RNF144A: variants seen among roughly 807,000 people sequenced by gnomAD.
RNF144A encodes the protein ring finger protein 144A.
RNF144A carries 11 observed loss-of-function variants against 38.7 expected under a neutral mutation model. That is an observed-to-expected ratio of 0.28 (90% confidence interval 0.18 to 0.47). RNF144A has a LOEUF of 0.47. RNF144A is among the 20% of genes least tolerant of loss of function. The pLI is 0.99. For synonymous variants in RNF144A, 149 were observed against 143.9 expected (o/e 1.04, Z -0.25); for missense variants, 316 against 377.2 (o/e 0.84, Z 1.34).
chr2:7,041,178 C>G lies in RNF144A; in HGVS notation c.*1418C>G. ...GATTTTAAAAATCTTGTTAAACATT[C>G]TATAAAGAAGTAAAACAAAATCCTT... On this transcript the variant is annotated 3_prime_UTR_variant, in exon 9 of 9. Transcript: ENST00000320892. 1.0e-6 allele frequency: 1 copy of G among 981,574 alleles called. No homozygotes were observed. The highest frequency in any genetic ancestry group is 1.2e-6 in the Non-Finnish European group (1 of 826,468). 60.8% of individuals were successfully genotyped at this position (981,574 alleles called of 1,614,324 possible).
At chr2:7,007,799 T>C (rs972720063) in intron 3 of RNF144A, among the ~76,000 whole-genome samples, 2 of 152,214 alleles carry the variant, frequency 1.3e-5, no homozygotes, top group African/African-American at 4.8e-5. Context: ...TTTGCTCCTC[T>C]GTGAATCCGG....
intron 2 of RNF144A, among the ~76,000 whole-genome samples, chr2:6,959,547 G>C (rs893133920): frequency 6.6e-6 from 1 of 152,158 alleles, no homozygotes; most frequent in Non-Finnish European, 1.5e-5. Context: ...CCGGGATCAG[G>C]TGACCTCATG....
At chr2:7,022,232 T>TTTGTTGTTG (rs570851244) in intron 6 of RNF144A, among the ~76,000 whole-genome samples, 410 of 152,254 alleles carry the variant, frequency 2.7e-3, no homozygotes, top group African/African-American at 9.2e-3. Flanking sequence ...TATTGGAGGG[T>TTTGTTGTTG]TTGTTGTTGT....
chr2:6,933,327 G>A (rs1665325406), intron 1 of RNF144A: 1 of 152,152 alleles, frequency 6.6e-6, no homozygotes, highest in South Asian at 2.1e-4. Flanking sequence ...AGGGAGAAAG[G>A]CTATGGAGAA....
At chr2:7,029,135 A>G (rs1415180207) in intron 7 of RNF144A, among the ~76,000 whole-genome samples, 1 of 152,142 alleles carries the variant, frequency 6.6e-6, no homozygotes, top group Admixed American at 6.5e-5. Context: ...CCTCAGGCGC[A>G]TTGGGCCCTG....
At chr2:7,069,576 A>G (rs1484968685), downstream of RNF144A, among the ~76,000 whole-genome samples, 2 of 151,876 alleles carry the variant, frequency 1.3e-5, no homozygotes, top group Non-Finnish European at 2.9e-5. Flanking sequence ...CTTCTCTTTC[A>G]TCTTCTCTCT....
chr2:6,999,302 G>A (rs1669953655), intron 3 of RNF144A, among the ~76,000 whole-genome samples: 1 of 152,222 alleles, frequency 6.6e-6, no homozygotes, highest in Non-Finnish European at 1.5e-5. Context: ...TGAAGATTCA[G>A]AAGGGAGGAG....
At chr2:6,967,990 G>T (rs1426356771) in intron 2 of RNF144A, among the ~76,000 whole-genome samples, 1 of 152,182 alleles carries the variant, frequency 6.6e-6, no homozygotes, top group Non-Finnish European at 1.5e-5. Flanking sequence ...TCAGAAACGG[G>T]TCACTGCGTG....
downstream of RNF144A, among the ~76,000 whole-genome samples, chr2:7,071,485 C>T (rs1275863848): frequency 6.6e-6 from 1 of 152,192 alleles, no homozygotes; most frequent in Non-Finnish European, 1.5e-5. Context: ...TCACTACTTC[C>T]CAGCCGTGTG....
chr2:6,944,392 T>G lies in RNF144A; in HGVS notation c.-12+3245T>G, dbSNP rs1666204928. On this transcript the variant is annotated intron_variant, in intron 2 of 8. Coordinates refer to ENST00000320892, the MANE Select transcript of RNF144A (RefSeq NM_014746.6). The surrounding 1 kb of genome is among the most constrained non-coding windows in gnomAD (Gnocchi z 4.7). ...CTTTAAAAGGGCTGCTGGAGAGATC[T>G]TCCCCTCCACTTACCCGATTGCCTA... Among the ~76,000 whole-genome samples the G allele has an allele frequency of 6.6e-6, 1 of 152,064 alleles. No individual in the cohort carries two copies. The highest frequency in any genetic ancestry group is 2.4e-5 in the African/African-American group (1 of 41,412).
chr2:6,930,664 TC>T (rs1273520390), intron 1 of RNF144A, among the ~76,000 whole-genome samples: 2 of 152,150 alleles, frequency 1.3e-5, no homozygotes, highest in Non-Finnish European at 2.9e-5. Flanking sequence ...CAATCTCAGC[TC>T]ACTACAGCTT....
chr2:7,049,769 G>A (rs1408600179), intron 6 of RNF144A, among the ~76,000 whole-genome samples: 1 of 152,164 alleles, frequency 6.6e-6, no homozygotes. Context: ...AGATGAAGAC[G>A]ATGAAGAGGG....
At chr2:7,068,342 C>T (rs999513912), downstream of RNF144A, 8 of 858,694 alleles carry the variant, frequency 9.3e-6, no homozygotes, top group African/African-American at 1.1e-4. Flanking sequence ...TGGGTAGTGG[C>T]ACCGTGAAAC....
intron 2 of RNF144A, among the ~76,000 whole-genome samples, chr2:6,977,026 G>T (rs1296713448): frequency 6.6e-6 from 1 of 152,012 alleles, no homozygotes; most frequent in African/African-American, 2.4e-5. Context: ...CCCAGAAATT[G>T]GGCTTCTTGA....
intron 2 of RNF144A, among the ~76,000 whole-genome samples, chr2:6,953,202 G>A (rs916415367): frequency 2.6e-5 from 4 of 152,138 alleles, no homozygotes; most frequent in African/African-American, 9.7e-5. Flanking sequence ...TGAAGCCGGT[G>A]GATCACCTGA....
At chr2:7,073,541 C>T in the RNF144A span, among the ~76,000 whole-genome samples, 6 of 152,136 alleles carry the variant, frequency 3.9e-5, no homozygotes, top group African/African-American at 9.7e-5. Flanking sequence ...CTCAAAGTCA[C>T]CCCTGGAGAT....
At chr2:6,968,275 C>T (rs1398107478) in intron 2 of RNF144A, among the ~76,000 whole-genome samples, 1 of 152,228 alleles carries the variant, frequency 6.6e-6, no homozygotes, top group African/African-American at 2.4e-5. Context: ...TTTGAAGGTA[C>T]AGAAACAGAA....
rs781002771 is a variant in RNF144A, at chr2:6,989,596, A to AT, written c.-11-7311dup. Among the ~76,000 whole-genome samples, 416 of 151,824 alleles carry AT rather than the reference A, an allele frequency of 2.7e-3. 3 individuals carry two copies. Among genetic ancestry groups the AT allele is most frequent in the African/African-American group, 8.9e-3 (367 of 41,350 alleles). The stretch of plus-strand genomic sequence containing the variant: ...TACCATGCCCCTGACCTCCTCAATG[A>AT]TTTTTTTTTAAATTGCATGCATTAA... On this transcript the variant is annotated intron_variant, in intron 2 of 8. Coordinates refer to ENST00000320892, the MANE Select transcript of RNF144A (RefSeq NM_014746.6).
At chr2:7,022,122 T>C (rs1269359065) in intron 6 of RNF144A, among the ~76,000 whole-genome samples, 2 of 152,350 alleles carry the variant, frequency 1.3e-5, no homozygotes, top group East Asian at 3.9e-4. Context: ...AGGCGCCTCC[T>C]GGGCCAAAGC....
Sources: allele counts gnomAD v4.1 joint callset (sites outside exome capture counted in the v4.1 genomes callset), GRCh38; gene constraint gnomAD v4.1.1; non-coding constraint Gnocchi (gnomAD v3.1); transcripts MANE v1.5; gene names NCBI Gene and HGNC (gene_info 2026-07-23, HGNC 2026-07-21).